Variants in ESRRB observed in about 807,000 individuals in gnomAD.
ESRRB encodes estrogen related receptor beta.
A neutral mutation model predicts 46.0 loss-of-function variants in ESRRB; 16 were observed. The ratio of observed to expected loss-of-function variants is 0.35; its 90% CI spans 0.24 to 0.53. The LOEUF (loss-of-function observed/expected upper bound fraction) is 0.53. Ranked by LOEUF, ESRRB falls within the 20% of genes least tolerant of loss-of-function variation. The pLI, the probability that ESRRB is intolerant of heterozygous loss-of-function variation, is 0.93. For synonymous variants in ESRRB, 246 were observed against 259.6 expected (o/e 0.95, Z 0.50); for missense variants, 488 against 607.4 (o/e 0.80, Z 2.07).
At chr14:76,469,944 C>CTTTT (rs1178018542) in intron 3 of ESRRB, among the ~76,000 whole-genome samples, 804 of 73,042 alleles carry the variant, frequency 0.011, 5 homozygotes, top group Non-Finnish European at 0.014. Context: ...TTTTTTTTTT[C>CTTTT]TTTTTTTTTT....
intron 3 of ESRRB, among the ~76,000 whole-genome samples, chr14:76,470,676 G>A (rs985229563): frequency 6.6e-6 from 1 of 152,088 alleles, no homozygotes; most frequent in Non-Finnish European, 1.5e-5. Flanking sequence ...GTTTTTTTGT[G>A]GGGATTTTGT....
intron 6 of ESRRB, among the ~76,000 whole-genome samples, chr14:76,493,719 T>G (rs1266864760): frequency 1.3e-5 from 2 of 152,234 alleles, no homozygotes; most frequent in African/African-American, 4.8e-5. Context: ...CCTGGCAAAC[T>G]GGGACAGTTG....
chr14:76,416,795 A>G (rs1323873329), intron 1 of ESRRB, among the ~76,000 whole-genome samples: 4 of 152,268 alleles, frequency 2.6e-5, no homozygotes, highest in Non-Finnish European at 4.4e-5. Context: ...TCATTGACTC[A>G]TATATTTACC....
intron 1 of ESRRB, among the ~76,000 whole-genome samples, chr14:76,432,434 C>T (rs1887487607): frequency 6.6e-6 from 1 of 152,204 alleles, no homozygotes; most frequent in South Asian, 2.1e-4. Flanking sequence ...CCACTTTGTC[C>T]CACAGTTACT....
chr14:76,401,288 G>A (rs1186788679), intron 1 of ESRRB, among the ~76,000 whole-genome samples: 1 of 152,240 alleles, frequency 6.6e-6, no homozygotes, highest in Non-Finnish European at 1.5e-5. Context: ...TGGGGACCGT[G>A]AGGATAGATT....
chr14:76,498,750 C>A lies in ESRRB; in HGVS notation c.*292C>A. On this transcript the variant is annotated 3_prime_UTR_variant, in exon 7 of 7. Coordinates refer to ENST00000644823, the MANE Select transcript of ESRRB (RefSeq NM_001379180.1). ...GGCCTGGGCCAGGGCTGACTCCCTTCAGGAGTGGAGGCCACTGGAGCAAGT... is the reference window on the plus strand; with the variant it reads ...GGCCTGGGCCAGGGCTGACTCCCTTAAGGAGTGGAGGCCACTGGAGCAAGT... 1.1e-6 allele frequency: 1 copy of A among 904,350 alleles called. No homozygotes were observed. The highest frequency in any genetic ancestry group is 1.7e-6 in the Non-Finnish European group (1 of 574,060). The allele number at this position is 904,350 out of a possible 1,614,324, so 56.0% of individuals were successfully genotyped here.
intron 1 of ESRRB, among the ~76,000 whole-genome samples, chr14:76,321,257 T>C (rs1292938298): frequency 1.3e-5 from 2 of 152,178 alleles, no homozygotes; most frequent in African/African-American, 4.8e-5. Context: ...TTCCCTATAG[T>C]CTTCCACCCA....
At chr14:76,390,956 G>C (rs562746854) in intron 1 of ESRRB, among the ~76,000 whole-genome samples, 1 of 152,318 alleles carries the variant, frequency 6.6e-6, no homozygotes, top group East Asian at 1.9e-4. Flanking sequence ...ATGAAGGGAG[G>C]CTCTGTGTGT....
intron 5 of ESRRB, among the ~76,000 whole-genome samples, chr14:76,484,672 C>G (rs549535915): frequency 5.3e-4 from 80 of 152,330 alleles, no homozygotes; most frequent in African/African-American, 1.9e-3. Context: ...CCCCTGCACT[C>G]ATTTTTCTCT....
intron 1 of ESRRB, among the ~76,000 whole-genome samples, chr14:76,403,723 C>G (rs1886041278): frequency 6.6e-6 from 1 of 152,004 alleles, no homozygotes; most frequent in South Asian, 2.1e-4. Context: ...CCCTGCTGAG[C>G]AGGACCATCT....
In ESRRB at chr14:76,462,331, A is replaced by G. The variant is rs58807616; in HGVS notation, c.461-214A>G. Among the ~76,000 whole-genome samples, 56,014 of 152,162 alleles carry G rather than the reference A, an allele frequency of 0.37. 11,608 individuals carry two copies. Among genetic ancestry groups the G allele is most frequent in the African/African-American group, 0.57 (23,651 of 41,510 alleles). On this transcript the variant is annotated intron_variant, in intron 2 of 6. Coordinates refer to ENST00000644823, the MANE Select transcript of ESRRB (RefSeq NM_001379180.1). ...CCATCCTCTGGAGAGTGTTTCCCCA[A>G]GTAGCTGCCTGGTCCACCCAGACCT... is the stretch of plus-strand genomic sequence containing the variant.
At chr14:76,472,042 T>G (rs1889393150) in intron 3 of ESRRB, among the ~76,000 whole-genome samples, 1 of 152,234 alleles carries the variant, frequency 6.6e-6, no homozygotes, top group Non-Finnish European at 1.5e-5. Flanking sequence ...GCCAGACAGC[T>G]AGTTAATGAC....
intron 3 of ESRRB, among the ~76,000 whole-genome samples, chr14:76,470,264 A>G (rs1159335056): frequency 6.6e-6 from 1 of 152,162 alleles, no homozygotes; most frequent in Non-Finnish European, 1.5e-5. Flanking sequence ...TAGGCTTCTA[A>G]AAGAAGGAGA....
chr14:76,402,179 A>G (rs1414043618), intron 1 of ESRRB, among the ~76,000 whole-genome samples: 2 of 152,226 alleles, frequency 1.3e-5, no homozygotes, highest in African/African-American at 4.8e-5. Flanking sequence ...GCTGATTTCA[A>G]TGCTAATCTC....
At position 76,482,834 on chromosome 14, in the gene ESRRB, T is replaced by TG; in HGVS notation, c.850+76dup. The TG allele has an allele frequency of 6.4e-7, 1 of 1,553,214 alleles. No individual in the cohort carries two copies. The highest frequency in any genetic ancestry group is 1.1e-5 in the South Asian group (1 of 89,700). Reference sequence around the variant, plus strand: ...ATCTCCGCAGCCTACCCAATGGCTGTGCTTCTGATGCCCGGATCCTGGACC... The same window carrying TG: ...ATCTCCGCAGCCTACCCAATGGCTGTGGCTTCTGATGCCCGGATCCTGGACC... On this transcript the variant is annotated intron_variant, in intron 5 of 6. Coordinates refer to ENST00000644823, the MANE Select transcript of ESRRB (RefSeq NM_001379180.1). This position sits in a 1 kb window ranked among gnomAD's most constrained non-coding sequence, Gnocchi z 4.3.
At chr14:76,315,387 C>T (rs1438245854) in intron 1 of ESRRB, among the ~76,000 whole-genome samples, 1 of 152,182 alleles carries the variant, frequency 6.6e-6, no homozygotes, top group Non-Finnish European at 1.5e-5. Flanking sequence ...CTTGCCCTGA[C>T]CCGTGCTCTA....
upstream of ESRRB, among the ~76,000 whole-genome samples, chr14:76,370,811 T>C (rs1314315783): frequency 6.6e-6 from 1 of 152,236 alleles, no homozygotes; most frequent in Non-Finnish European, 1.5e-5. Context: ...TCCTCCAACC[T>C]GCCTGCTCAC....
At chr14:76,386,454 A>ATTTTTTT (rs10573960) in intron 1 of ESRRB, among the ~76,000 whole-genome samples, 1 of 112,884 alleles carries the variant, frequency 8.9e-6, no homozygotes, top group African/African-American at 3.5e-5. Context: ...CGGTTTTTTA[A>ATTTTTTT]TTTTTTTTTT....
intron 1 of ESRRB, among the ~76,000 whole-genome samples, chr14:76,380,248 G>A (rs1044957808): frequency 3.3e-5 from 5 of 152,132 alleles, no homozygotes; most frequent in East Asian, 1.9e-4. Flanking sequence ...CTGATGGGCC[G>A]GAGGAAGGAT....
Sources: allele counts gnomAD v4.1 joint callset (sites outside exome capture counted in the v4.1 genomes callset), GRCh38; gene constraint gnomAD v4.1.1; non-coding constraint Gnocchi (gnomAD v3.1); transcripts MANE v1.5; gene names NCBI Gene and HGNC (gene_info 2026-07-23, HGNC 2026-07-21).